WDTC1: variants seen among roughly 807,000 people sequenced by gnomAD.
WDTC1 encodes WD and tetratricopeptide repeats protein 1.
In WDTC1, 12 loss-of-function variants were observed where a neutral mutation model predicts 76.0. The observed-to-expected ratio is 0.16, with a 90% CI of 0.10 to 0.26. The LOEUF (loss-of-function observed/expected upper bound fraction) is 0.26. Ranked by LOEUF, WDTC1 falls within the 10% of genes least tolerant of loss-of-function variation. The pLI is 1.00. For missense variants in WDTC1, 511 were observed against 908.8 expected (o/e 0.56, Z 5.63); for synonymous variants, 326 against 350.8 (o/e 0.93, Z 0.79).
chr1:27,296,809 G>GCCCCAGCCCCAGCCCTAC (rs2147985596), intron 10 of WDTC1, among the ~76,000 whole-genome samples: 2 of 99,310 alleles, frequency 2.0e-5, no homozygotes, highest in South Asian at 7.1e-4. Flanking sequence ...CCCAGCCCTA[G>GCCCCAGCCCCAGCCCTAC]CCCCAGCCCC....
intron 12 of WDTC1, among the ~76,000 whole-genome samples, chr1:27,298,952 G>T (rs919985696): frequency 6.6e-6 from 1 of 152,224 alleles, no homozygotes; most frequent in Admixed American, 6.5e-5. Flanking sequence ...GTAATGCTAG[G>T]TGGGGGTGGG....
chr1:27,305,971 G>A lies in WDTC1; in HGVS notation c.1837-215G>A, dbSNP rs770252905. ...ATGACCTGCCTGTATATCCTGAGGT[G>A]GCGTATCTCCCATATATATTCCAGC... On this transcript the variant is annotated intron_variant, in intron 15 of 15. Coordinates refer to ENST00000319394, the MANE Select transcript of WDTC1 (RefSeq NM_001276252.2). The surrounding 1 kb of genome is among the most constrained non-coding windows in gnomAD (Gnocchi z 4.6). 2.0e-5 allele frequency among the ~76,000 whole-genome samples: 3 copies of A among 152,012 alleles called. No individual in the cohort carries two copies. The highest frequency in any genetic ancestry group is 2.9e-5 in the Non-Finnish European group (2 of 67,992).
chr1:27,247,021 C>T (rs978991544), intron 1 of WDTC1, among the ~76,000 whole-genome samples: 1 of 151,754 alleles, frequency 6.6e-6, no homozygotes, highest in African/African-American at 2.4e-5. Context: ...CGTGAGCCAC[C>T]GCACCCAGCC....
chr1:27,271,714 C>T (rs1178687093), intron 3 of WDTC1, among the ~76,000 whole-genome samples: 1 of 150,680 alleles, frequency 6.6e-6, no homozygotes, highest in Non-Finnish European at 1.5e-5. Context: ...CTCATCTCAC[C>T]ACAGCCTCCG....
At chr1:27,304,833 CA>C (rs1206121444) in intron 14 of WDTC1, 167 bp from the exon 15 acceptor site, 1 of 622,684 alleles carries the variant, frequency 1.6e-6, no homozygotes, top group Non-Finnish European at 2.7e-6. Flanking sequence ...GAACAGTGAC[CA>C]GGGCTATATA....
At chr1:27,239,517 C>CAAAAA (rs1165446864) in intron 1 of WDTC1, among the ~76,000 whole-genome samples, 1 of 40,588 alleles carries the variant, frequency 2.5e-5, no homozygotes, top group Non-Finnish European at 4.6e-5. Flanking sequence ...GACCCTGTCT[C>CAAAAA]AAAAAAAAAA....
At chr1:27,263,120 A>C in intron 2 of WDTC1, 32 bp from the exon 3 acceptor site, 1 of 1,610,406 alleles carries the variant, frequency 6.2e-7, no homozygotes, top group South Asian at 1.1e-5. Context: ...TAATTGAATC[A>C]ATGAAATCAC....
At chr1:27,256,770 A>G (rs558380362) in intron 1 of WDTC1, among the ~76,000 whole-genome samples, 1 of 152,336 alleles carries the variant, frequency 6.6e-6, no homozygotes, top group East Asian at 1.9e-4. Flanking sequence ...GCATGTAGTA[A>G]AAGCTCCTTA....
chr1:27,272,374 C>G (rs1048804076), intron 3 of WDTC1, among the ~76,000 whole-genome samples: 2 of 152,126 alleles, frequency 1.3e-5, no homozygotes, highest in African/African-American at 2.4e-5. Flanking sequence ...TGGGATGAGG[C>G]GTGAGCCACC....
At chr1:27,237,874 AAG>A (rs2011526354) in intron 1 of WDTC1, among the ~76,000 whole-genome samples, 1 of 149,496 alleles carries the variant, frequency 6.7e-6, no homozygotes, top group Admixed American at 6.7e-5. Context: ...AAAAAAAAAA[AAG>A]AAAAGAAAAG....
chr1:27,258,752 T>C (rs2012374076), intron 1 of WDTC1, among the ~76,000 whole-genome samples: 1 of 152,176 alleles, frequency 6.6e-6, no homozygotes, highest in African/African-American at 2.4e-5. Context: ...TCGAGTCTTC[T>C]TTTGTGGTTA....
chr1:27,276,688 G>A (rs190395139), intron 3 of WDTC1, among the ~76,000 whole-genome samples: 6 of 147,944 alleles, frequency 4.1e-5, no homozygotes, highest in African/African-American at 7.5e-5. Flanking sequence ...GCAAGACTTC[G>A]TCTCGAAAAA....
intron 6 of WDTC1, among the ~76,000 whole-genome samples, chr1:27,288,471 G>A (rs1231371617): frequency 6.6e-6 from 1 of 151,958 alleles, no homozygotes; most frequent in Non-Finnish European, 1.5e-5. Flanking sequence ...AAAGGTCTCT[G>A]GTTTTCCTAG....
At chr1:27,262,208 G>A (rs1286147160) in intron 2 of WDTC1, among the ~76,000 whole-genome samples, 4 of 151,548 alleles carry the variant, frequency 2.6e-5, no homozygotes, top group South Asian at 2.1e-4. Flanking sequence ...GATTACAGGC[G>A]TGAGCCACCA....
At chr1:27,288,576 C>T (rs1240209290) in intron 6 of WDTC1, among the ~76,000 whole-genome samples, 1 of 151,714 alleles carries the variant, frequency 6.6e-6, no homozygotes, top group East Asian at 1.9e-4. Flanking sequence ...TGCCTTCAAG[C>T]ATCTGTTTAA....
At chr1:27,264,956 C>T (rs561563269) in intron 3 of WDTC1, among the ~76,000 whole-genome samples, 2 of 152,198 alleles carry the variant, frequency 1.3e-5, no homozygotes, top group South Asian at 4.1e-4. Flanking sequence ...ATACATGCCA[C>T]TATGCCCAGC....
chr1:27,305,245 C>T lies in WDTC1; in HGVS notation c.1836+52C>T. Reference sequence around the variant, plus strand: ...GAGGGCAGGGACTCTGTGGAAGGCTCCAGTGGAGCCTGCTAGCGCAGGGAA... The same window carrying T: ...GAGGGCAGGGACTCTGTGGAAGGCTTCAGTGGAGCCTGCTAGCGCAGGGAA... On this transcript the variant is annotated intron_variant, in intron 15 of 15. Transcript: ENST00000319394. The surrounding 1 kb of genome is among the most constrained non-coding windows in gnomAD (Gnocchi z 4.6). 6.3e-7 allele frequency: 1 copy of T among 1,575,858 alleles called. No homozygotes were observed. Among genetic ancestry groups the T allele is most frequent in the Non-Finnish European group, 8.6e-7 (1 of 1,161,810 alleles).
chr1:27,288,765 C>G (rs11247633), intron 6 of WDTC1, among the ~76,000 whole-genome samples: 143,143 of 146,584 alleles, frequency 0.98, 69,975 homozygotes, highest in East Asian at 1. Context: ...TACACAGACA[C>G]GGCAACCATC....
rs138603035 is a variant in WDTC1 at position 27,303,644 on chromosome 1, G to A, written c.1492G>A (p.Gly498Ser). 493 of 1,602,492 alleles carry A rather than the reference G, an allele frequency of 3.1e-4. 4 individuals are homozygous for A. In the African/African-American group the frequency reaches 5.8e-3, roughly 19 times the overall value. The change falls in exon 14 of 16, where the codon GGC becomes AGC. Residue 498 changes from glycine to serine, a missense_variant. Coordinates refer to ENST00000319394, the MANE Select transcript of WDTC1 (RefSeq NM_001276252.2). The surrounding 1 kb of genome is among the most constrained non-coding windows in gnomAD (Gnocchi z 4.8). ...DGEEKKGPGG[G>S]APVRLRSTSR... ...AGAGGAGAAGAAGGGACCTGGTGGC[G>A]GCGCCCCAGTCCGCCTCCGCAGCAC...
Sources: gnomAD v4.1 joint callset for allele counts (sites outside exome capture counted in the v4.1 genomes callset) on GRCh38, gnomAD v4.1.1 for gene constraint, Gnocchi (gnomAD v3.1) non-coding constraint, MANE v1.5 for transcripts, NCBI Gene and HGNC (gene_info 2026-07-23, HGNC 2026-07-21) for gene names.